The following ASPHD1 variants were observed in gnomAD, a reference collection of about 807,000 sequenced individuals.
ASPHD1 encodes aspartate beta-hydroxylase domain containing 1.
ASPHD1 carries 20 observed loss-of-function variants against 28.3 expected under a neutral mutation model. The observed-to-expected ratio is 0.71, with a 90% confidence interval of 0.50 to 1.03. The LOEUF is 1.03. Ranked by LOEUF, ASPHD1 falls within the 50% of genes least tolerant of loss-of-function variation. The pLI, the probability that ASPHD1 is intolerant of heterozygous loss-of-function variation, is 0.00. For missense variants in ASPHD1, 479 were observed against 524.1 expected (o/e 0.91, Z 0.84); for synonymous variants, 240 against 221.2 (o/e 1.08, Z -0.75).
At chr16:29,907,459 C>T (rs573752861), downstream of ASPHD1, among the ~76,000 whole-genome samples, 196 of 152,302 alleles carry the variant, frequency 1.3e-3, no homozygotes, top group African/African-American at 4.5e-3. Context: ...CAGGAGGTTA[C>T]ATTCTAGTGG....
chr16:29,901,546 T>C lies in ASPHD1; in HGVS notation c.575T>C (p.Leu192Pro), dbSNP rs1047704969. 1.9e-6 allele frequency: 3 copies of C among 1,562,142 alleles called. No homozygotes were observed. The highest frequency in any genetic ancestry group is 2.6e-6 in the Non-Finnish European group (3 of 1,160,200). The change falls in exon 1 of 3, where the codon CTA (leucine) becomes CCA (proline). Residue 192 changes from leucine to proline, a missense_variant. Leu to Pro is a moderately conservative substitution (Grantham distance 98). Coordinates refer to ENST00000308748, the MANE Select transcript of ASPHD1 (RefSeq NM_181718.4). The surrounding 1 kb of genome is among the most constrained non-coding windows in gnomAD (Gnocchi z 5.1). Reference protein sequence around the residue: ...LGIQRPGLLFLPDLPSAPFVP... With the variant: ...LGIQRPGLLFPPDLPSAPFVP... Reference sequence around the variant, plus strand: ...ATTCAGCGCCCAGGCCTGCTTTTCCTACCAGACCTGCCTTCAGCCCCCTTT... The same window carrying C: ...ATTCAGCGCCCAGGCCTGCTTTTCCCACCAGACCTGCCTTCAGCCCCCTTT...
chr16:29,913,411 G>C (rs2068752228), intron 3 of ASPHD1: 1 of 152,160 alleles, frequency 6.6e-6, no homozygotes, highest in African/African-American at 2.4e-5. Flanking sequence ...ATGAGAATTG[G>C]TATTTTTAAA....
intron 3 of ASPHD1, chr16:29,919,407 T>C (rs2068868471): frequency 6.6e-6 from 1 of 152,242 alleles, no homozygotes; most frequent in South Asian, 2.1e-4. Context: ...TACCTATCAA[T>C]GATAATCCTT....
intron 3 of ASPHD1, chr16:29,911,329 G>C (rs1458164270): frequency 2.2e-5 from 14 of 637,366 alleles, no homozygotes; most frequent in Non-Finnish European, 3.5e-5. Context: ...CAGGCTAAAC[G>C]GGTCTCAGAA....
chr16:29,916,622 G>A (rs955780648), intron 3 of ASPHD1, among the ~76,000 whole-genome samples: 1 of 152,208 alleles, frequency 6.6e-6, no homozygotes, highest in African/African-American at 2.4e-5. Context: ...TCAGCATTTT[G>A]GGAGGCCAAG....
chr16:29,902,044 T>C, intron 1 of ASPHD1, 124 bp downstream of exon 1: 1 of 725,940 alleles, frequency 1.4e-6, no homozygotes. Context: ...TGGCTCCCTG[T>C]TGCCACCCAC....
intron 2 of ASPHD1, among the ~76,000 whole-genome samples, 158 bp from the exon 3 acceptor site, chr16:29,905,630 A>G (rs867825038): frequency 3.0e-5 from 4 of 131,908 alleles, no homozygotes; most frequent in East Asian, 2.1e-4. Flanking sequence ...CCATCTCAGG[A>G]AAAAAAAAAA....
At chr16:29,910,096 TAAA>T (rs529199170), downstream of ASPHD1, among the ~76,000 whole-genome samples, 7 of 110,410 alleles carry the variant, frequency 6.3e-5, no homozygotes, top group Admixed American at 9.9e-5. Context: ...AGACTCTGTC[TAAA>T]AAAAAAAAAA....
At chr16:29,902,357 A>C (rs2068560879) in intron 1 of ASPHD1, among the ~76,000 whole-genome samples, 1 of 152,170 alleles carries the variant, frequency 6.6e-6, no homozygotes, top group Admixed American at 6.5e-5. Flanking sequence ...GGAGCTCAGC[A>C]GTTTGAGGCT....
rs2068545341 is a variant in ASPHD1 at position 29,901,410 on chromosome 16, A to C, written c.439A>C (p.Ser147Arg). Residue 147 changes from serine to arginine, a missense_variant, in exon 1 of 3, where the codon AGC becomes CGC. Physicochemically the swap from Ser to Arg is moderately radical, Grantham distance 110. Coordinates refer to ENST00000308748, the MANE Select transcript of ASPHD1 (RefSeq NM_181718.4). This position sits in a 1 kb window ranked among gnomAD's most constrained non-coding sequence, Gnocchi z 5.1. ...GEGPRTEGLV[S>R]RRLRAYARRY... ...AGGACCTAGGACGGAAGGCCTAGTGAGCCGGCGGCTTCGGGCCTACGCAAG... is the reference window on the plus strand; with the variant it reads ...AGGACCTAGGACGGAAGGCCTAGTGCGCCGGCGGCTTCGGGCCTACGCAAG... 3 of 1,590,308 alleles carry C rather than the reference A, an allele frequency of 1.9e-6. No homozygotes were observed. The highest frequency in any genetic ancestry group is 1.7e-6 in the Non-Finnish European group (2 of 1,169,850).
intron 3 of ASPHD1, chr16:29,911,304 C>T: frequency 1.4e-6 from 1 of 715,432 alleles, no homozygotes; most frequent in Non-Finnish European, 2.3e-6. Flanking sequence ...AGAGAGCCTC[C>T]TCCACCCCTG....
intron 1 of ASPHD1, among the ~76,000 whole-genome samples, chr16:29,902,208 C>T (rs1428617498): frequency 1.3e-5 from 2 of 152,176 alleles, no homozygotes; most frequent in East Asian, 3.9e-4. Flanking sequence ...ATCAGTATTA[C>T]TTGCCCTAAA....
At chr16:29,907,045 G>A (rs2150831572), downstream of ASPHD1, 2 of 1,613,818 alleles carry the variant, frequency 1.2e-6, no homozygotes, top group Non-Finnish European at 1.7e-6. Flanking sequence ...TCTGGGCCCC[G>A]GGGAGTCTCG....
Position 29,901,992 on chromosome 16 carries a change from A to T in ASPHD1, c.949+72A>T, listed in dbSNP as rs1020209443. 5 of 1,237,946 alleles carry T rather than the reference A, an allele frequency of 4.0e-6. No individual in the cohort carries two copies. The highest frequency in any genetic ancestry group is 2.2e-4 in the Middle Eastern group (1 of 4,470). 76.7% of individuals were successfully genotyped at this position (1,237,946 alleles called of 1,614,324 possible). A position where few individuals can be genotyped will look rare whatever the true frequency, so the allele number is the denominator to read the frequency against. ...CCCCCCAGACCCTTCTCTCCGCCAG[A>T]GCCGTCTGCTGTCTGGTTCTCATTG... On this transcript the variant is annotated intron_variant, in intron 1 of 2. Coordinates refer to ENST00000308748, the MANE Select transcript of ASPHD1 (RefSeq NM_181718.4). This position sits in a 1 kb window ranked among gnomAD's most constrained non-coding sequence, Gnocchi z 5.1.
intron 3 of ASPHD1, among the ~76,000 whole-genome samples, chr16:29,918,885 C>T (rs2068859217): frequency 6.6e-6 from 1 of 151,422 alleles, no homozygotes; most frequent in Non-Finnish European, 1.5e-5. Flanking sequence ...GTCTTGAACT[C>T]CTGACCTTGT....
intron 3 of ASPHD1, among the ~76,000 whole-genome samples, chr16:29,916,676 C>T (rs1317791522): frequency 2.0e-5 from 3 of 151,984 alleles, no homozygotes; most frequent in African/African-American, 7.2e-5. Context: ...CCAGCCTGGC[C>T]GACAGAGCAA....
chr16:29,907,174 C>T (rs1193142529), downstream of ASPHD1: 3 of 1,149,154 alleles, frequency 2.6e-6, no homozygotes, highest in Non-Finnish European at 3.8e-6. Context: ...ATCCCCCTGC[C>T]TAGGGCCCCT....
At chr16:29,906,788 G>T, downstream of ASPHD1, 1 of 1,244,274 alleles carries the variant, frequency 8.0e-7, no homozygotes, top group Non-Finnish European at 1.1e-6. Flanking sequence ...GGCCAGCAGA[G>T]CCGGGGCAAA....
At position 29,901,876 on chromosome 16, in the gene ASPHD1, A is replaced by C; in HGVS notation, c.905A>C (p.Glu302Ala). The change falls in exon 1 of 3, where the codon GAG (glutamate) becomes GCG (alanine). Residue 302 changes from glutamate (E) to alanine (A), a missense_variant. Transcript: ENST00000308748. The surrounding 1 kb of genome is among the most constrained non-coding windows in gnomAD (Gnocchi z 5.1). The part of the protein sequence containing the change: ...FSVLLPGARL[E>A]GRCGPTNARV... Reference sequence around the variant, plus strand: ...GTTCTCCTGCCTGGGGCCCGGCTCGAGGGCCGCTGTGGGCCCACCAATGCC... The same window carrying C: ...GTTCTCCTGCCTGGGGCCCGGCTCGCGGGCCGCTGTGGGCCCACCAATGCC... The C allele has an allele frequency of 2.0e-6, 3 of 1,530,268 alleles. No homozygotes were observed. Among genetic ancestry groups the C allele is most frequent in the Non-Finnish European group, 2.6e-6 (3 of 1,141,454 alleles). The allele number at this position is 1,530,268 out of a possible 1,614,324, so 94.8% of individuals were successfully genotyped here. A position where few individuals can be genotyped will look rare whatever the true frequency, so the allele number is the denominator to read the frequency against.
Sources: gnomAD v4.1 joint callset for allele counts (sites outside exome capture counted in the v4.1 genomes callset) on GRCh38, gnomAD v4.1.1 for gene constraint, Gnocchi (gnomAD v3.1) non-coding constraint, MANE v1.5 for transcripts, NCBI Gene and HGNC (gene_info 2026-07-23, HGNC 2026-07-21) for gene names.